CCDC85C: variants seen among roughly 807,000 people sequenced by gnomAD.
CCDC85C encodes coiled-coil domain-containing protein 85C.
A neutral mutation model predicts 38.3 loss-of-function variants in CCDC85C; 18 were observed. The observed-to-expected ratio is 0.47, with a 90% CI of 0.33 to 0.70. The LOEUF is 0.70. CCDC85C is among the 30% of genes least tolerant of loss of function. The pLI, the probability that CCDC85C is intolerant of heterozygous loss-of-function variation, is 0.03. For synonymous variants in CCDC85C, 264 were observed against 293.8 expected (o/e 0.90, Z 1.04); for missense variants, 566 against 621.2 (o/e 0.91, Z 0.94).
In CCDC85C at chr14:99,603,624, C is replaced by T. The variant is rs1450754042; in HGVS notation, c.336G>A (p.Ala112=). 1.1e-5 allele frequency: 16 copies of T among 1,463,040 alleles called. No homozygotes were observed. The African/African-American group carries it at 2.1e-4, about 19-fold the overall frequency. 90.6% of individuals were successfully genotyped at this position (1,463,040 alleles called of 1,614,324 possible). A position where few individuals can be genotyped will look rare whatever the true frequency, so the allele number is the denominator to read the frequency against. ...AREWQRFGRH[A]AGAVWHEVAR... is the part of the protein sequence containing the mutation. ...CCACCTCGTGCCACACGGCGCCGGC[C>T]GCGTGGCGCCCGAAGCGCTGCCACT... The change falls in exon 1 of 6, where the codon GCG becomes GCA. Residue 112 remains alanine (A), a synonymous_variant. Coordinates refer to ENST00000380243, the MANE Select transcript of CCDC85C (RefSeq NM_001144995.2). This position sits in a 1 kb window ranked among gnomAD's most constrained non-coding sequence, Gnocchi z 7.5.
chr14:99,598,337 A>G (rs11160530), intron 1 of CCDC85C, among the ~76,000 whole-genome samples: 131,211 of 152,244 alleles, frequency 0.86, 58,003 homozygotes, highest in Non-Finnish European at 0.97. Context: ...GGCGGAAAAC[A>G]GATTAGGAGC....
At position 99,513,394 on chromosome 14, in the gene CCDC85C, C is replaced by T. The variant is rs1048607756; in HGVS notation, c.*1852G>A. On this transcript the variant is annotated 3_prime_UTR_variant, in exon 6 of 6. Transcript: ENST00000380243. ...AGCAGCAGGTGTTCACCCAACTTCA[C>T]GTGTACACCCCTAGTGACCGGGAGC... The T allele has an allele frequency of 2.0e-5, 3 of 152,236 alleles. No homozygotes were observed. Among genetic ancestry groups the T allele is most frequent in the South Asian group, 2.1e-4 (1 of 4,836 alleles). 9.4% of individuals were successfully genotyped at this position (152,236 alleles called of 1,614,324 possible).
intron 1 of CCDC85C, among the ~76,000 whole-genome samples, chr14:99,573,210 G>A (rs537506355): frequency 1.1e-4 from 16 of 152,290 alleles, no homozygotes; most frequent in East Asian, 1.9e-4. Flanking sequence ...TCAGCCTCCC[G>A]CCTAGAGCGA....
At chr14:99,577,817 A>T in intron 1 of CCDC85C, among the ~76,000 whole-genome samples, 1 of 121,992 alleles carries the variant, frequency 8.2e-6, no homozygotes, top group East Asian at 2.6e-4. Flanking sequence ...GTGTGTGTAC[A>T]CATCACACCC....
intron 2 of CCDC85C, among the ~76,000 whole-genome samples, chr14:99,534,174 G>A (rs557443319): frequency 6.6e-6 from 1 of 152,190 alleles, no homozygotes; most frequent in Admixed American, 6.5e-5. Context: ...TGACCAACAT[G>A]GTGAAACCCT....
intron 1 of CCDC85C, among the ~76,000 whole-genome samples, chr14:99,579,295 G>A (rs976099222): frequency 2.0e-4 from 31 of 152,264 alleles, no homozygotes; most frequent in Admixed American, 4.6e-4. Context: ...AACAGGCACC[G>A]TCCTGGACGC....
At position 99,587,803 on chromosome 14, in the gene CCDC85C, G is replaced by A. The variant is rs562446193; in HGVS notation, c.793+15364C>T. The stretch of plus-strand genomic sequence containing the variant: ...CACGGGGGCTGACTCTACCTCTCCC[G>A]CAGTCTCATCCCCGGGCGCTGAGTA... On this transcript the variant is annotated intron_variant, in intron 1 of 5. Coordinates refer to ENST00000380243, the MANE Select transcript of CCDC85C (RefSeq NM_001144995.2). Among the ~76,000 whole-genome samples the A allele has an allele frequency of 1.6e-4, 24 of 152,230 alleles. 2 individuals are homozygous for A. The South Asian group carries it at 4.1e-3, about 26-fold the overall frequency.
chr14:99,541,170 T>C (rs1897704957), intron 1 of CCDC85C, among the ~76,000 whole-genome samples: 1 of 152,172 alleles, frequency 6.6e-6, no homozygotes, highest in South Asian at 2.1e-4. Context: ...TCTGCAGCCC[T>C]AATAGGAACT....
In CCDC85C at chr14:99,504,042, G is replaced by A; in HGVS notation, c.*11204C>T. The A allele has an allele frequency of 8.1e-6, 3 of 372,166 alleles. No individual in the cohort carries two copies. The highest frequency in any genetic ancestry group is 9.2e-5 in the East Asian group (1 of 10,812). 23.1% of individuals were successfully genotyped at this position (372,166 alleles called of 1,614,324 possible). ...TAGGGGGTGGTGTGCTGCCCGGACA[G>A]CACCAGCCCGGCCCAGCCCAGCTGC... On this transcript the variant is annotated 3_prime_UTR_variant, in exon 6 of 6. Coordinates refer to ENST00000380243, the MANE Select transcript of CCDC85C (RefSeq NM_001144995.2).
At chr14:99,575,727 C>T (rs995802816) in intron 1 of CCDC85C, among the ~76,000 whole-genome samples, 4 of 152,220 alleles carry the variant, frequency 2.6e-5, no homozygotes, top group African/African-American at 9.6e-5. Flanking sequence ...CAGGCTTCCA[C>T]TGGCCTGCCC....
At chr14:99,593,162 C>T (rs1418346506) in intron 1 of CCDC85C, among the ~76,000 whole-genome samples, 1 of 152,238 alleles carries the variant, frequency 6.6e-6, no homozygotes, top group African/African-American at 2.4e-5. Flanking sequence ...CAGGGCCCCA[C>T]ACAATCGGGC....
At position 99,508,147 on chromosome 14, in the gene CCDC85C, C is replaced by G. The variant is rs1270549536; in HGVS notation, c.*7099G>C. 1 of 152,248 alleles carries G rather than the reference C, an allele frequency of 6.6e-6. No homozygotes were observed. Among genetic ancestry groups the G allele is most frequent in the East Asian group, 1.9e-4 (1 of 5,206 alleles). The allele number at this position is 152,248 out of a possible 1,614,324, so 9.4% of individuals were successfully genotyped here. On this transcript the variant is annotated 3_prime_UTR_variant, in exon 6 of 6. Transcript: ENST00000380243. ...ATGTGCCACAGATTACATTTCTGTTCCTACTCAATCATGATAGTGTTTGTG... is the reference window on the plus strand; with the variant it reads ...ATGTGCCACAGATTACATTTCTGTTGCTACTCAATCATGATAGTGTTTGTG...
chr14:99,574,848 G>A (rs1898438265), intron 1 of CCDC85C, among the ~76,000 whole-genome samples: 1 of 152,172 alleles, frequency 6.6e-6, no homozygotes, highest in Non-Finnish European at 1.5e-5. Flanking sequence ...GATTCTAGGA[G>A]GTTAAGGAGG....
intron 1 of CCDC85C, among the ~76,000 whole-genome samples, chr14:99,577,641 T>G (rs1438839546): frequency 6.6e-6 from 1 of 152,048 alleles, no homozygotes; most frequent in East Asian, 1.9e-4. Flanking sequence ...TGTGTGCATG[T>G]ATCCATGCCC....
At chr14:99,531,588 G>T (rs868231693) in intron 2 of CCDC85C, among the ~76,000 whole-genome samples, 8 of 129,872 alleles carry the variant, frequency 6.2e-5, no homozygotes, top group Non-Finnish European at 9.8e-5. Context: ...ATGGGTGGGG[G>T]GGGGGGTGGG....
intron 2 of CCDC85C, among the ~76,000 whole-genome samples, chr14:99,527,122 G>A (rs950947303): frequency 1.3e-5 from 2 of 152,264 alleles, no homozygotes. Context: ...CACCAGAGTT[G>A]TTCCCACGAG....
chr14:99,507,469 A>G lies in CCDC85C; in HGVS notation c.*7777T>C, dbSNP rs1897003983. 1 of 301,762 alleles carries G rather than the reference A, an allele frequency of 3.3e-6. No homozygotes were observed. Among genetic ancestry groups the G allele is most frequent in the Admixed American group, 4.6e-5 (1 of 21,896 alleles). 18.7% of individuals were successfully genotyped at this position (301,762 alleles called of 1,614,324 possible). On this transcript the variant is annotated 3_prime_UTR_variant, in exon 6 of 6. Transcript: ENST00000380243. ...AGTCCCAACTACTTAGGAGTCTGAG[A>G]TGGGAAGATCATTTGAGCCCTGGGC...
At chr14:99,528,676 G>C (rs924898802) in intron 2 of CCDC85C, among the ~76,000 whole-genome samples, 81 of 152,380 alleles carry the variant, frequency 5.3e-4, no homozygotes, top group African/African-American at 1.6e-3. Context: ...GGTGGGGGAT[G>C]CACGCCCTAT....
chr14:99,517,029 C>A (rs1897236351), intron 4 of CCDC85C, 59 bp downstream of exon 4: 1 of 1,465,306 alleles, frequency 6.8e-7, no homozygotes, highest in African/African-American at 1.4e-5. Flanking sequence ...AAAGGTCCCA[C>A]AGTCTCACAG....
Sources: allele counts gnomAD v4.1 joint callset (sites outside exome capture counted in the v4.1 genomes callset), GRCh38; gene constraint gnomAD v4.1.1; non-coding constraint Gnocchi (gnomAD v3.1); transcripts MANE v1.5; gene names NCBI Gene and HGNC (gene_info 2026-07-23, HGNC 2026-07-21).